Variants in FBXO36 observed in about 807,000 individuals in gnomAD.
FBXO36 encodes the protein F-box protein 36.
In FBXO36, 18 loss-of-function variants were observed where a neutral mutation model predicts 17.0. The observed-to-expected ratio is 1.06, with a 90% CI of 0.73 to 1.57. The LOEUF is 1.57. FBXO36 is among the 40% of genes most tolerant of loss of function. The probability of loss-of-function intolerance (pLI) is 0.00; values close to 1 mark genes in which losing one functional copy is unlikely to be tolerated. For missense variants in FBXO36, 229 were observed against 221.9 expected (o/e 1.03, Z -0.20); for synonymous variants, 83 against 85.3 (o/e 0.97, Z 0.15).
chr2:229,976,566 A>G (rs2077209646), intron 2 of FBXO36: 2 of 387,424 alleles, frequency 5.2e-6, no homozygotes, highest in Non-Finnish European at 9.3e-6. Flanking sequence ...CATGCCTGTA[A>G]TCCCAACACT....
intron 1 of FBXO36, among the ~76,000 whole-genome samples, chr2:229,967,838 C>CT (rs1560444259): frequency 6.6e-6 from 1 of 152,090 alleles, no homozygotes; most frequent in African/African-American, 2.4e-5. Flanking sequence ...CTAAAATTCT[C>CT]TTTTTTTGTT....
At chr2:229,947,665 A>G (rs757610711) in intron 1 of FBXO36, among the ~76,000 whole-genome samples, 3 of 152,220 alleles carry the variant, frequency 2.0e-5, no homozygotes, top group Admixed American at 6.5e-5. Context: ...GTCAAGTTAT[A>G]TTAAGGAAGT....
At chr2:229,944,378 C>A (rs2077015185) in intron 1 of FBXO36, among the ~76,000 whole-genome samples, 1 of 152,158 alleles carries the variant, frequency 6.6e-6, no homozygotes, top group South Asian at 2.1e-4. Context: ...TTAACAGTTT[C>A]ATTTATGACT....
At chr2:229,977,512 A>G (rs1221641579) in intron 2 of FBXO36, among the ~76,000 whole-genome samples, 1 of 152,038 alleles carries the variant, frequency 6.6e-6, no homozygotes, top group African/African-American at 2.4e-5. Context: ...ATGCAGTGGC[A>G]TGATTTCAGC....
intron 1 of FBXO36, among the ~76,000 whole-genome samples, chr2:229,973,885 A>C (rs2077193968): frequency 6.6e-6 from 1 of 151,524 alleles, no homozygotes. Flanking sequence ...CATCACTACC[A>C]AAAAAATACA....
chr2:229,926,692 C>T (rs2076913943), intron 1 of FBXO36, among the ~76,000 whole-genome samples: 1 of 149,512 alleles, frequency 6.7e-6, no homozygotes, highest in Non-Finnish European at 1.5e-5. Flanking sequence ...TGCAGTGAGC[C>T]GAGATCTCAC....
At chr2:229,962,274 A>G (rs553266421) in intron 1 of FBXO36, among the ~76,000 whole-genome samples, 12 of 152,008 alleles carry the variant, frequency 7.9e-5, no homozygotes, top group Non-Finnish European at 1.8e-4. Context: ...TTCTTCCCAT[A>G]TTCATTTTCT....
At chr2:230,006,105 GTTTT>G (rs577192144) in intron 3 of FBXO36, among the ~76,000 whole-genome samples, 1 of 124,662 alleles carries the variant, frequency 8.0e-6, no homozygotes, top group Non-Finnish European at 1.7e-5. Flanking sequence ...TTTTATTTTA[GTTTT>G]TTTTTTTTTT....
chr2:229,947,126 C>T lies in FBXO36; in HGVS notation c.96+24517C>T, dbSNP rs141810587. Among the ~76,000 whole-genome samples the T allele has an allele frequency of 2.0e-5, 3 of 152,258 alleles. No homozygotes were observed. The East Asian group carries it at 5.8e-4, about 29-fold the overall frequency. On this transcript the variant is annotated intron_variant, in intron 1 of 3. Transcript: ENST00000283946. The stretch of plus-strand genomic sequence containing the variant: ...GAGGTTGCAGTGAGCCGAGATCACA[C>T]CATTGCACTCCAGCCTGGACAACAA...
At chr2:229,939,484 A>T (rs1442888665) in intron 1 of FBXO36, among the ~76,000 whole-genome samples, 1 of 151,586 alleles carries the variant, frequency 6.6e-6, no homozygotes, top group Non-Finnish European at 1.5e-5. Context: ...GGTGGTGTGC[A>T]CCTGTAATCC....
chr2:229,971,917 A>ATCC (rs1244623132), intron 1 of FBXO36, among the ~76,000 whole-genome samples: 2 of 149,928 alleles, frequency 1.3e-5, no homozygotes, highest in African/African-American at 4.9e-5. Flanking sequence ...GGCCCAAGTG[A>ATCC]TCCTCCTGCC....
chr2:229,983,769 T>C (rs1479420466), intron 2 of FBXO36, among the ~76,000 whole-genome samples: 1 of 152,240 alleles, frequency 6.6e-6, no homozygotes, highest in Non-Finnish European at 1.5e-5. Flanking sequence ...GTATGTGACC[T>C]TAACCAAATT....
intron 3 of FBXO36, among the ~76,000 whole-genome samples, chr2:230,006,774 C>G (rs535347529): frequency 6.6e-6 from 1 of 152,088 alleles, no homozygotes; most frequent in Non-Finnish European, 1.5e-5. Flanking sequence ...GTCACCTCTA[C>G]GAGACAGAAA....
At position 230,011,615 on chromosome 2, in the gene FBXO36, T is replaced by TTTTTTTTTTTTTTTTTTTTG. The variant is rs56352216; in HGVS notation, c.*731_*732insTTTTTTTTTTTTTTTTTTTG. On this transcript the variant is annotated 3_prime_UTR_variant, in exon 4 of 4. Transcript: ENST00000283946. ...TTTCTTTTCTTTTTTTTTTTTTTTT[T>TTTTTTTTTTTTTTTTTTTTG]GTATTTTCTTTTTAGTAGAGGTGGA... 1 of 148,352 alleles carries TTTTTTTTTTTTTTTTTTTTG rather than the reference T, an allele frequency of 6.7e-6. No homozygotes were observed. Among genetic ancestry groups the TTTTTTTTTTTTTTTTTTTTG allele is most frequent in the Non-Finnish European group, 1.5e-5 (1 of 67,026 alleles). 9.2% of individuals were successfully genotyped at this position (148,352 alleles called of 1,614,324 possible). A position where few individuals can be genotyped will look rare whatever the true frequency, so the allele number is the denominator to read the frequency against.
chr2:229,949,108 C>T (rs1577335602), intron 1 of FBXO36, among the ~76,000 whole-genome samples: 1 of 152,196 alleles, frequency 6.6e-6, no homozygotes, highest in Non-Finnish European at 1.5e-5. Flanking sequence ...GCTGGGATTA[C>T]AGGCATGAGC....
chr2:230,012,888 CAAT>C lies in FBXO36; in HGVS notation c.*2007_*2009del, dbSNP rs1365213711. The stretch of plus-strand genomic sequence containing the variant: ...GCGCAATAGTTGATTCAGCTTCAAT[CAAT>C]AAGAACATAAATATGGCAATTTGAA... On this transcript the variant is annotated 3_prime_UTR_variant, in exon 4 of 4. Transcript: ENST00000283946. 6.6e-6 allele frequency: 1 copy of C among 151,398 alleles called. No homozygotes were observed. Among genetic ancestry groups the C allele is most frequent in the Admixed American group, 6.6e-5 (1 of 15,192 alleles). The allele number at this position is 151,398 out of a possible 1,614,324, so 9.4% of individuals were successfully genotyped here.
intron 1 of FBXO36, among the ~76,000 whole-genome samples, chr2:229,929,655 G>A (rs777409781): frequency 2.0e-5 from 3 of 151,808 alleles, no homozygotes; most frequent in South Asian, 2.1e-4. Flanking sequence ...GATGGATCAC[G>A]AGGTCAGGAG....
chr2:229,966,310 T>C (rs1020419951), intron 1 of FBXO36, among the ~76,000 whole-genome samples: 1 of 152,176 alleles, frequency 6.6e-6, no homozygotes, highest in Admixed American at 6.5e-5. Context: ...TTGCAAAAAT[T>C]TTCTCCCGTT....
chr2:229,951,211 G>A (rs2077055898), intron 1 of FBXO36, among the ~76,000 whole-genome samples: 1 of 151,990 alleles, frequency 6.6e-6, no homozygotes, highest in Admixed American at 6.6e-5. Flanking sequence ...AGGATTACAG[G>A]CGTGAGCCAC....
Sources: allele counts gnomAD v4.1 joint callset (sites outside exome capture counted in the v4.1 genomes callset), GRCh38; gene constraint gnomAD v4.1.1; transcripts MANE v1.5; gene names NCBI Gene and HGNC (gene_info 2026-07-23, HGNC 2026-07-21).